The following MSH3 variants were observed in gnomAD, a reference collection of about 807,000 sequenced individuals.
MSH3 encodes the protein DNA mismatch repair protein Msh3.
Under a neutral mutation model 123.3 loss-of-function variants are expected in MSH3, and 106 were observed. That is an observed-to-expected ratio of 0.86 (90% confidence interval 0.73 to 1.01). The LOEUF (loss-of-function observed/expected upper bound fraction) is 1.01, where lower values mean the gene tolerates loss of function less well. Ranked by LOEUF, MSH3 falls within the 50% of genes least tolerant of loss-of-function variation. MSH3 has a pLI of 0.00. For missense variants in MSH3, 1,459 were observed against 1,347.6 expected (o/e 1.08, Z -1.29); for synonymous variants, 515 against 481.4 (o/e 1.07, Z -0.91).
chr5:80,719,282 G>A (rs1304519884), intron 8 of MSH3, among the ~76,000 whole-genome samples: 6 of 151,980 alleles, frequency 3.9e-5, no homozygotes, highest in Non-Finnish European at 7.4e-5. Flanking sequence ...TCTTGACCTC[G>A]TGATCCACCC....
intron 12 of MSH3, among the ~76,000 whole-genome samples, chr5:80,756,445 G>T (rs1743927463): frequency 6.6e-6 from 1 of 152,068 alleles, no homozygotes; most frequent in African/African-American, 2.4e-5. Context: ...TGTGCATCCA[G>T]ACTATTAGCC....
rs1749741675 is a variant in MSH3, at chr5:80,672,317, G to C, written c.866G>C (p.Arg289Thr). 1 of 1,614,012 alleles carries C rather than the reference G, an allele frequency of 6.2e-7. No individual in the cohort carries two copies. Among genetic ancestry groups the C allele is most frequent in the Non-Finnish European group, 8.5e-7 (1 of 1,179,954 alleles). ...NFMTASIPTH[R>T]LFVHVRRLVA... ...ATGACAGCAAGTATACCTACTCACA[G>C]ACTGTTTGTTCATGTACGCCGCCTG... Residue 289 changes from arginine (R) to threonine (T), a missense_variant, in exon 5 of 24, where the codon AGA becomes ACA. Physicochemically the swap from Arg to Thr is moderately conservative, Grantham distance 71. Transcript: ENST00000265081.
chr5:80,803,041 G>T lies in MSH3; in HGVS notation c.2655+10197G>T, dbSNP rs570363976. Among the ~76,000 whole-genome samples, 40 of 151,662 alleles carry T rather than the reference G, an allele frequency of 2.6e-4. No homozygotes were observed. The South Asian group carries it at 7.9e-3, about 30-fold the overall frequency. On this transcript the variant is annotated intron_variant, in intron 19 of 23. Transcript: ENST00000265081. ...ATAGTGCTGCAATAAACATGGGAGT[G>T]CAGCTGTCTCTTCAATATACTGATT...
intron 19 of MSH3, among the ~76,000 whole-genome samples, chr5:80,809,490 A>G (rs942776607): frequency 1.3e-5 from 2 of 152,126 alleles, no homozygotes; most frequent in African/African-American, 4.8e-5. Flanking sequence ...AAAAGTGTAT[A>G]TTTTTTCTTT....
rs953165915 is a variant in MSH3 at position 80,665,192 on chromosome 5, A to G, written c.408A>G (p.Lys136=). 4 of 1,614,114 alleles carry G rather than the reference A, an allele frequency of 2.5e-6. No individual in the cohort carries two copies. In the South Asian group the frequency reaches 4.4e-5, roughly 18 times the overall value. ...RTRNVSKSLE[K]LKEFCCDSAL... is the part of the protein sequence containing the mutation. Reference sequence around the variant, plus strand: ...GGAATGTTTCAAAGTCTCTGGAAAAATTGAAAGAATTCTGCTGCGATTCTG... The same window carrying G: ...GGAATGTTTCAAAGTCTCTGGAAAAGTTGAAAGAATTCTGCTGCGATTCTG... The change falls in exon 3 of 24, where the codon AAA becomes AAG. Residue 136 remains lysine (K), a synonymous_variant. Coordinates refer to ENST00000265081, the MANE Select transcript of MSH3 (RefSeq NM_002439.5).
intron 20 of MSH3, among the ~76,000 whole-genome samples, chr5:80,815,409 C>G (rs1462622885): frequency 1.3e-5 from 2 of 151,372 alleles, no homozygotes; most frequent in East Asian, 3.9e-4. Context: ...AATTATTGGT[C>G]AATATAAGGG....
intron 20 of MSH3, among the ~76,000 whole-genome samples, chr5:80,815,598 T>G (rs2112057416): frequency 6.6e-6 from 1 of 152,308 alleles, no homozygotes; most frequent in African/African-American, 2.4e-5. Flanking sequence ...GTTGTAAGAT[T>G]GCTGCTGCAG....
chr5:80,867,062 A>G (rs1019138245), intron 22 of MSH3, among the ~76,000 whole-genome samples: 3 of 152,136 alleles, frequency 2.0e-5, no homozygotes, highest in African/African-American at 7.2e-5. Flanking sequence ...GGCCTGCGGC[A>G]CAGCTGTCAT....
At chr5:80,849,525 C>T (rs956857186) in intron 20 of MSH3, among the ~76,000 whole-genome samples, 15 of 152,146 alleles carry the variant, frequency 9.9e-5, no homozygotes, top group South Asian at 2.1e-4. Flanking sequence ...AGCGGAGGTT[C>T]CCAAACCTCA....
intron 19 of MSH3, among the ~76,000 whole-genome samples, chr5:80,805,631 A>G (rs1485931541): frequency 9.2e-5 from 9 of 97,438 alleles, no homozygotes; most frequent in African/African-American, 2.0e-4. Context: ...GTCTTACTCT[A>G]TTGCCCAGGC....
intron 20 of MSH3, among the ~76,000 whole-genome samples, chr5:80,819,698 G>A (rs1175053131): frequency 6.6e-6 from 1 of 151,882 alleles, no homozygotes; most frequent in Non-Finnish European, 1.5e-5. Flanking sequence ...TGTTGGCCAG[G>A]CTGGTTTCAA....
chr5:80,827,224 A>G (rs1259417716), intron 20 of MSH3, among the ~76,000 whole-genome samples: 1 of 152,204 alleles, frequency 6.6e-6, no homozygotes, highest in East Asian at 1.9e-4. Flanking sequence ...TTTCTATTAA[A>G]CGTTGGTGAT....
chr5:80,687,383 C>G (rs1018935993), intron 8 of MSH3, among the ~76,000 whole-genome samples: 1 of 152,146 alleles, frequency 6.6e-6, no homozygotes, highest in Non-Finnish European at 1.5e-5. Flanking sequence ...AAGCGATAAA[C>G]AAATAATATT....
At chr5:80,754,504 A>G (rs979978760) in intron 12 of MSH3, among the ~76,000 whole-genome samples, 1 of 152,202 alleles carries the variant, frequency 6.6e-6, no homozygotes, top group Admixed American at 6.5e-5. Flanking sequence ...AAGAGATACA[A>G]GTAGTGGAAG....
intron 17 of MSH3, among the ~76,000 whole-genome samples, chr5:80,785,203 A>G (rs925968177): frequency 6.6e-6 from 1 of 152,210 alleles, no homozygotes; most frequent in Non-Finnish European, 1.5e-5. Context: ...AGAGGCATTT[A>G]TTGTCCGTTT....
At chr5:80,846,143 T>G (rs1745716342) in intron 20 of MSH3, among the ~76,000 whole-genome samples, 1 of 152,220 alleles carries the variant, frequency 6.6e-6, no homozygotes, top group Admixed American at 6.5e-5. Flanking sequence ...TTGTTAATTT[T>G]CCTTCTAACA....
chr5:80,828,982 G>A (rs1592878), intron 20 of MSH3, among the ~76,000 whole-genome samples: 36,918 of 152,152 alleles, frequency 0.24, 4,917 homozygotes, highest in East Asian at 0.38. Context: ...AGATCTCAGC[G>A]AGGTTCTGTT....
chr5:80,816,616 A>G (rs1175839671), intron 20 of MSH3, among the ~76,000 whole-genome samples: 1 of 152,198 alleles, frequency 6.6e-6, no homozygotes, highest in Admixed American at 6.5e-5. Flanking sequence ...AACCAAGTAG[A>G]TCAGAGGAAC....
At chr5:80,687,678 G>A (rs1750123671) in intron 8 of MSH3, among the ~76,000 whole-genome samples, 2 of 152,120 alleles carry the variant, frequency 1.3e-5, no homozygotes, top group Non-Finnish European at 2.9e-5. Flanking sequence ...AGATTTCTCT[G>A]ATTAGAGGGA....
Sources: gnomAD v4.1 joint callset for allele counts (sites outside exome capture counted in the v4.1 genomes callset) on GRCh38, gnomAD v4.1.1 for gene constraint, MANE v1.5 for transcripts, NCBI Gene and HGNC (gene_info 2026-07-23, HGNC 2026-07-21) for gene names.